STARD9: variants seen among roughly 807,000 people sequenced by gnomAD.
STARD9 encodes the protein StAR related lipid transfer domain containing 9.
Under a neutral mutation model 399.8 loss-of-function variants are expected in STARD9, and 346 were observed. The observed-to-expected ratio is 0.87, with a 90% CI of 0.79 to 0.95. The LOEUF is 0.95. Ranked by LOEUF, STARD9 falls within the 40% of genes least tolerant of loss-of-function variation. The pLI is 0.00. For missense variants in STARD9, 5,832 were observed against 5,667.5 expected (o/e 1.03, Z -0.93); for synonymous variants, 2,203 against 2,143.5 (o/e 1.03, Z -0.77).
At chr15:42,715,630 C>G (rs1166933873) in intron 26 of STARD9, among the ~76,000 whole-genome samples, 1 of 151,588 alleles carries the variant, frequency 6.6e-6, no homozygotes, top group Non-Finnish European at 1.5e-5. Context: ...AAGCGATTCT[C>G]TCAAGTAGCT....
chr15:42,632,184 A>G (rs1248478932), intron 3 of STARD9, among the ~76,000 whole-genome samples: 2 of 152,068 alleles, frequency 1.3e-5, no homozygotes, highest in African/African-American at 4.8e-5. Context: ...CCCCTTTCTG[A>G]TTATATAATG....
intron 1 of STARD9, among the ~76,000 whole-genome samples, chr15:42,579,560 A>G (rs2058125688): frequency 6.6e-6 from 1 of 152,156 alleles, no homozygotes; most frequent in African/African-American, 2.4e-5. Flanking sequence ...CAGGTAGAGA[A>G]AAAGGAAGGA....
chr15:42,583,542 AGG>A (rs1440214105), intron 2 of STARD9, 127 bp downstream of exon 2: 1 of 614,798 alleles, frequency 1.6e-6, no homozygotes, highest in Non-Finnish European at 2.8e-6. Flanking sequence ...TAAGAGGAAT[AGG>A]GGGAGGAGCT....
chr15:42,658,100 A>C (rs925488627), intron 9 of STARD9, among the ~76,000 whole-genome samples: 1 of 152,174 alleles, frequency 6.6e-6, no homozygotes, highest in Admixed American at 6.5e-5. Context: ...AATTGAACAG[A>C]AGTACAAATT....
At chr15:42,676,051 G>C (rs2060305483) in intron 20 of STARD9, 76 bp downstream of exon 20, 4 of 976,822 alleles carry the variant, frequency 4.1e-6, no homozygotes, top group Admixed American at 4.2e-5. Context: ...GGATCAGGGT[G>C]GGGGTGGGGG....
chr15:42,641,107 A>T (rs1375015749), intron 7 of STARD9, among the ~76,000 whole-genome samples: 1 of 152,170 alleles, frequency 6.6e-6, no homozygotes, highest in Non-Finnish European at 1.5e-5. Flanking sequence ...CTCAGAAAAT[A>T]TGACTCTTGG....
At chr15:42,619,203 T>G in intron 3 of STARD9, among the ~76,000 whole-genome samples, 1 of 152,190 alleles carries the variant, frequency 6.6e-6, no homozygotes, top group Non-Finnish European at 1.5e-5. Context: ...CAGAATGATT[T>G]GAACAACTCC....
chr15:42,707,592 C>T lies in STARD9; in HGVS notation c.13285-9085C>T, dbSNP rs548394734. 6.6e-5 allele frequency among the ~76,000 whole-genome samples: 10 copies of T among 152,028 alleles called. No homozygotes were observed. In the South Asian group the frequency reaches 2.1e-3, roughly 32 times the overall value. On this transcript the variant is annotated intron_variant, in intron 26 of 32. Transcript: ENST00000290607. Reference sequence around the variant, plus strand: ...TCAAGAAATTCTCCTGCCTCAGCCTCCCCAGTAGCTGGGACTACAGGTGCC... The same window carrying T: ...TCAAGAAATTCTCCTGCCTCAGCCTTCCCAGTAGCTGGGACTACAGGTGCC...
At chr15:42,696,696 T>A (rs190512413) in intron 26 of STARD9, among the ~76,000 whole-genome samples, 2 of 152,276 alleles carry the variant, frequency 1.3e-5, no homozygotes, top group Admixed American at 1.3e-4. Flanking sequence ...GCACTGCTAG[T>A]GAAGACGAAC....
Position 42,690,873 on chromosome 15 carries a change from G to A in STARD9, c.9295G>A (p.Glu3099Lys). The A allele has an allele frequency of 6.5e-7, 1 of 1,537,172 alleles. No homozygotes were observed. Among genetic ancestry groups the A allele is most frequent in the Non-Finnish European group, 8.7e-7 (1 of 1,146,910 alleles). The stretch of plus-strand genomic sequence containing the variant: ...TGAGAAGCAAGCAAGCACAGAACTT[G>A]AGGCTGCCTCTTTCCCTGCAGGCAT... ...VAEKQASTEL[E>K]AASFPAGMYS... The change falls in exon 23 of 33, where the codon GAG becomes AAG. Residue 3099 changes from glutamate (E) to lysine (K), a missense_variant. By Grantham distance (56) the Glu-to-Lys change is moderately conservative. Around this residue, in one of 2 missense-constraint regions of STARD9, gnomAD observed 5,828 missense variants for 5,651.1 expected, o/e 1.03. Transcript: ENST00000290607.
rs1220372581 is a variant in STARD9 at position 42,693,234 on chromosome 15, C to G, written c.11656C>G (p.Leu3886Val). 5.2e-6 allele frequency: 8 copies of G among 1,536,854 alleles called. No homozygotes were observed. Among genetic ancestry groups the G allele is most frequent in the Non-Finnish European group, 7.0e-6 (8 of 1,146,828 alleles). The change falls in exon 23 of 33, where the codon CTG becomes GTG. Residue 3886 changes from leucine (L) to valine (V), a missense_variant. Physicochemically the swap from Leu to Val is conservative, Grantham distance 32 (BLOSUM62 1). Coordinates refer to ENST00000290607, the MANE Select transcript of STARD9 (RefSeq NM_020759.3). ...TGGGGACTCCAGGGTCCAGAAGAAG[C>G]TGGGCCCCACAAGTGCTTTGTTCGT... is the stretch of plus-strand genomic sequence containing the variant. ...YPGDSRVQKK[L>V]GPTSALFVDR... is the part of the protein sequence containing the mutation.
Position 42,688,785 on chromosome 15 carries a change from G to A in STARD9, c.7207G>A (p.Ala2403Thr), listed in dbSNP as rs780846262. 1.7e-5 allele frequency: 26 copies of A among 1,537,554 alleles called. No individual in the cohort carries two copies. The highest frequency in any genetic ancestry group is 4.8e-5 in the South Asian group (4 of 84,064). ...AAATGTTAGAGGGCGTTCCTCTGAG[G>A]CACACACTGCCTGGTGTGGGTCTGT... ...EGNVRGRSSE[A>T]HTAWCGSVRS... Residue 2403 changes from alanine to threonine, a missense_variant, in exon 23 of 33, where the codon GCA (alanine) becomes ACA (threonine). Around this residue, in one of 2 missense-constraint regions of STARD9, gnomAD observed 5,828 missense variants for 5,651.1 expected, o/e 1.03. Coordinates refer to ENST00000290607, the MANE Select transcript of STARD9 (RefSeq NM_020759.3).
chr15:42,590,769 A>C (rs1314188982), intron 3 of STARD9, among the ~76,000 whole-genome samples: 1 of 152,090 alleles, frequency 6.6e-6, no homozygotes, highest in East Asian at 1.9e-4. Context: ...AGAGAGAGAG[A>C]GCGAGAGATG....
At chr15:42,675,106 T>C in intron 18 of STARD9, 142 bp downstream of exon 18, 2 of 927,050 alleles carry the variant, frequency 2.2e-6, no homozygotes, top group Non-Finnish European at 1.5e-6. Flanking sequence ...TTTTCTAATA[T>C]GATCCTATTC....
In STARD9 at chr15:42,694,356, G is replaced by T. The variant is rs1180976791; in HGVS notation, c.12764+14G>T. ...GCTCTATGCACGGTAAGGACCCCCA[G>T]CCTGGAGTCGGGAGGGGAAGGGGTG... is the stretch of plus-strand genomic sequence containing the variant. On this transcript the variant is annotated intron_variant, in intron 23 of 32. Coordinates refer to ENST00000290607, the MANE Select transcript of STARD9 (RefSeq NM_020759.3). 1 of 1,533,516 alleles carries T rather than the reference G, an allele frequency of 6.5e-7. No individual in the cohort carries two copies. Among genetic ancestry groups the T allele is most frequent in the Non-Finnish European group, 8.7e-7 (1 of 1,144,810 alleles). 95.0% of individuals were successfully genotyped at this position (1,533,516 alleles called of 1,614,324 possible). A position where few individuals can be genotyped will look rare whatever the true frequency, so the allele number is the denominator to read the frequency against.
intron 28 of STARD9, 65 bp downstream of exon 28, chr15:42,717,113 A>G: frequency 3.3e-6 from 5 of 1,515,710 alleles, no homozygotes; most frequent in Non-Finnish European, 4.4e-6. Flanking sequence ...GTGTGCAGGA[A>G]GAGAAAGTAG....
Position 42,690,471 on chromosome 15 carries a change from C to A in STARD9, c.8893C>A (p.His2965Asn). ...ATGCAGTTCTCAACCTGTTGCTACT[C>A]ATGCTTATTCCTCCCATTCCTCTAC... is the stretch of plus-strand genomic sequence containing the variant. ...QPCSSQPVAT[H>N]AYSSHSSTLL... The change falls in exon 23 of 33, where the codon CAT becomes AAT. Residue 2965 changes from histidine (H) to asparagine (N), a missense_variant. This residue lies in a region of STARD9 where 5,828 missense variants were observed against 5,651.1 expected (regional missense o/e 1.03). Transcript: ENST00000290607. 2 of 1,537,250 alleles carry A rather than the reference C, an allele frequency of 1.3e-6. No individual in the cohort carries two copies. The highest frequency in any genetic ancestry group is 1.7e-6 in the Non-Finnish European group (2 of 1,146,918).
intron 3 of STARD9, among the ~76,000 whole-genome samples, chr15:42,622,134 C>G (rs1435538195): frequency 6.6e-6 from 1 of 152,044 alleles, no homozygotes; most frequent in Non-Finnish European, 1.5e-5. Flanking sequence ...GATGATGAGG[C>G]TGGCTGTGGT....
In STARD9 at chr15:42,689,289, A is replaced by G. The variant is rs1360232692; in HGVS notation, c.7711A>G (p.Arg2571Gly). 3.3e-6 allele frequency: 5 copies of G among 1,537,278 alleles called. No individual in the cohort carries two copies. The highest frequency in any genetic ancestry group is 4.4e-6 in the Non-Finnish European group (5 of 1,146,914). Residue 2571 changes from arginine (R) to glycine (G), a missense_variant, in exon 23 of 33, where the codon AGG (arginine) becomes GGG (glycine). Around this residue, in one of 2 missense-constraint regions of STARD9, gnomAD observed 5,828 missense variants for 5,651.1 expected, o/e 1.03. Transcript: ENST00000290607. Reference sequence around the variant, plus strand: ...AAAGCAGCTTCATGACTTTGTGGCCAGGGGCACAGTCCTTTCTTACTGTGA... The same window carrying G: ...AAAGCAGCTTCATGACTTTGTGGCCGGGGGCACAGTCCTTTCTTACTGTGA... Reference protein sequence around the residue: ...QRKQLHDFVARGTVLSYCETL... With the variant: ...QRKQLHDFVAGGTVLSYCETL...
Sources: allele counts gnomAD v4.1 joint callset (sites outside exome capture counted in the v4.1 genomes callset), GRCh38; gene constraint gnomAD v4.1.1; regional missense constraint gnomAD v4.1.1; transcripts MANE v1.5; gene names NCBI Gene and HGNC (gene_info 2026-07-23, HGNC 2026-07-21).